COPS7B: variants seen among roughly 807,000 people sequenced by gnomAD.
COPS7B encodes COP9 signalosome complex subunit 7b.
A neutral mutation model predicts 33.4 loss-of-function variants in COPS7B; 9 were observed. The observed-to-expected ratio is 0.27, with a 90% CI of 0.16 to 0.47. COPS7B has a LOEUF of 0.47. COPS7B is among the 20% of genes least tolerant of loss of function. The probability of loss-of-function intolerance (pLI) is 0.99; values close to 1 mark genes in which losing one functional copy is unlikely to be tolerated. For missense variants in COPS7B, 242 were observed against 318.2 expected, an observed-to-expected ratio of 0.76 and a Z score of 1.82; for synonymous variants, 119 against 126.3, an observed-to-expected ratio of 0.94 and a Z score of 0.39.
intron 2 of COPS7B, chr2:231,790,938 C>T (rs2049397839): frequency 6.5e-6 from 1 of 153,694 alleles, no homozygotes. Context: ...CGGGGTTTCA[C>T]CTTGTTAGCC....
At chr2:231,786,896 C>T (rs528680245) in intron 1 of COPS7B, among the ~76,000 whole-genome samples, 2 of 152,352 alleles carry the variant, frequency 1.3e-5, no homozygotes, top group African/African-American at 2.4e-5. Flanking sequence ...CAGAAGAAAG[C>T]GACTGTCTCC....
At chr2:231,793,143 A>G (rs1475921566) in intron 3 of COPS7B, among the ~76,000 whole-genome samples, 1 of 152,222 alleles carries the variant, frequency 6.6e-6, no homozygotes, top group Non-Finnish European at 1.5e-5. Flanking sequence ...CCTCGTCTGT[A>G]AAGTGGGAGT....
chr2:231,803,912 C>T (rs953499228), intron 6 of COPS7B, among the ~76,000 whole-genome samples: 4 of 152,166 alleles, frequency 2.6e-5, no homozygotes, highest in African/African-American at 7.2e-5. Flanking sequence ...AGGCTGGCAG[C>T]GGAGCGTTGC....
chr2:231,804,321 C>T (rs2049831359), intron 6 of COPS7B, among the ~76,000 whole-genome samples: 1 of 151,070 alleles, frequency 6.6e-6, no homozygotes, highest in South Asian at 2.1e-4. Context: ...GATCTTGGCT[C>T]ACTGCAAGCT....
chr2:231,785,602 TTTGAATA>T (rs1380892800), upstream of COPS7B, among the ~76,000 whole-genome samples: 7 of 152,266 alleles, frequency 4.6e-5, no homozygotes, highest in African/African-American at 1.7e-4. Context: ...AAGAAATGTT[TTTGAATA>T]AATGAATGAG....
Position 231,808,798 on chromosome 2 carries a change from GGTGTGTGTGTGTGTGTGT to G in COPS7B, c.*1180_*1197del, listed in dbSNP as rs543816090. On this transcript the variant is annotated 3_prime_UTR_variant, in exon 7 of 7. Coordinates refer to ENST00000350033, the MANE Select transcript of COPS7B (RefSeq NM_022730.4). ...TGGTTGGAGGGTGGGGGTGGGGTGG[GGTGTGTGTGTGTGTGTGT>G]GTGTGTGTGTGTGTGTGTGTGTGTG... 4.0e-5 allele frequency: 3 copies of G among 75,772 alleles called. No individual in the cohort carries two copies. The highest frequency in any genetic ancestry group is 3.9e-4 in the South Asian group (1 of 2,596). The allele number at this position is 75,772 out of a possible 1,614,324, so 4.7% of individuals were successfully genotyped here. A position where few individuals can be genotyped will look rare whatever the true frequency, so the allele number is the denominator to read the frequency against.
chr2:231,784,637 T>C (rs1041205953), upstream of COPS7B, among the ~76,000 whole-genome samples: 5 of 152,216 alleles, frequency 3.3e-5, no homozygotes, highest in African/African-American at 9.6e-5. Flanking sequence ...TCCTCTTCCA[T>C]AGCCCTGTTC....
At chr2:231,787,144 G>A (rs767604531) in intron 1 of COPS7B, among the ~76,000 whole-genome samples, 1 of 151,426 alleles carries the variant, frequency 6.6e-6, no homozygotes, top group Non-Finnish European at 1.5e-5. Flanking sequence ...CTTCTTCCTC[G>A]TATCCTCTCC....
At chr2:231,804,572 T>C (rs986726996) in intron 6 of COPS7B, among the ~76,000 whole-genome samples, 9 of 152,206 alleles carry the variant, frequency 5.9e-5, no homozygotes, top group Admixed American at 4.6e-4. Context: ...GTAAAAATTA[T>C]TACACAAATA....
chr2:231,799,049 C>A, intron 6 of COPS7B, 85 bp downstream of exon 6: 2 of 1,262,136 alleles, frequency 1.6e-6, no homozygotes, highest in Non-Finnish European at 2.3e-6. Context: ...TTTTGCGAAT[C>A]TTGGTGTAGA....
chr2:231,799,548 T>G (rs559883034), intron 6 of COPS7B, among the ~76,000 whole-genome samples: 1 of 152,332 alleles, frequency 6.6e-6, no homozygotes, highest in African/African-American at 2.4e-5. Flanking sequence ...AAGTGTGGTT[T>G]TAGTGACACC....
intron 1 of COPS7B, 67 bp downstream of exon 1, chr2:231,786,605 T>TA: frequency 1.2e-6 from 1 of 807,754 alleles, no homozygotes; most frequent in South Asian, 5.6e-5. Context: ...CGATCCGGCT[T>TA]AGAGCCCGCC....
chr2:231,791,756 T>C lies in COPS7B; in HGVS notation c.186T>C (p.Ala62=). 6.2e-7 allele frequency: 1 copy of C among 1,614,186 alleles called. No homozygotes were observed. The highest frequency in any genetic ancestry group is 8.5e-7 in the Non-Finnish European group (1 of 1,180,024). ...VQELAEGANA[A]YLQLLNLFAY... ...AGCTTGCGGAAGGAGCTAATGCTGC[T>C]TATTTGCAGTTGTTGAACCTGTTTG... The change falls in exon 3 of 7, where the codon GCT becomes GCC. Residue 62 remains alanine, a synonymous_variant. Transcript: ENST00000350033.
rs766460915 is a variant in COPS7B at position 231,808,561 on chromosome 2, C to T, written c.*916C>T. 3.0e-5 allele frequency: 14 copies of T among 470,842 alleles called. No individual in the cohort carries two copies. Among genetic ancestry groups the T allele is most frequent in the Admixed American group, 2.6e-4 (11 of 42,528 alleles). The allele number at this position is 470,842 out of a possible 1,614,324, so 29.2% of individuals were successfully genotyped here. A position where few individuals can be genotyped will look rare whatever the true frequency, so the allele number is the denominator to read the frequency against. On this transcript the variant is annotated 3_prime_UTR_variant, in exon 7 of 7. Coordinates refer to ENST00000350033, the MANE Select transcript of COPS7B (RefSeq NM_022730.4). ...ACCTGTTGCTGCTTCTGTCTTTTCA[C>T]CCCTCCTTGGCTGATGACCCAGAGC... is the stretch of plus-strand genomic sequence containing the variant.
At chr2:231,805,200 A>G (rs2049855681) in intron 6 of COPS7B, among the ~76,000 whole-genome samples, 1 of 151,902 alleles carries the variant, frequency 6.6e-6, no homozygotes, top group Non-Finnish European at 1.5e-5. Context: ...AACAAATAAT[A>G]TTTCTTTTAT....
chr2:231,791,685 G>T (rs1394218064), intron 2 of COPS7B, 48 bp from the exon 3 acceptor site: 1 of 1,503,702 alleles, frequency 6.7e-7, no homozygotes, highest in East Asian at 2.3e-5. Context: ...ACACTACAGT[G>T]ATTGGTAGAC....
At chr2:231,785,904 G>T (rs937050449), upstream of COPS7B, among the ~76,000 whole-genome samples, 3 of 152,212 alleles carry the variant, frequency 2.0e-5, no homozygotes, top group African/African-American at 7.2e-5. Flanking sequence ...TAGAGGTCAA[G>T]AACATCGTCT....
chr2:231,787,006 C>CT (rs1476967670), intron 1 of COPS7B, among the ~76,000 whole-genome samples: 1 of 152,128 alleles, frequency 6.6e-6, no homozygotes, highest in Non-Finnish European at 1.5e-5. Context: ...CTCTCCACCC[C>CT]CACCTCCTAA....
chr2:231,807,261 A>G (rs2049920750), intron 6 of COPS7B, among the ~76,000 whole-genome samples: 1 of 151,984 alleles, frequency 6.6e-6, no homozygotes, highest in Non-Finnish European at 1.5e-5. Flanking sequence ...TTCCCCTTCC[A>G]TTTGTTTCAA....
Sources: gnomAD v4.1 joint callset for allele counts (sites outside exome capture counted in the v4.1 genomes callset) on GRCh38, gnomAD v4.1.1 for gene constraint, MANE v1.5 for transcripts, NCBI Gene and HGNC (gene_info 2026-07-23, HGNC 2026-07-21) for gene names.